NALF1: variants seen among roughly 807,000 people sequenced by gnomAD.
NALF1 encodes family with sequence similarity 155 member A.
In NALF1, 3 loss-of-function variants were observed where a neutral mutation model predicts 48.4. The observed-to-expected ratio is 0.06, with a 90% CI of 0.03 to 0.16. The LOEUF (loss-of-function observed/expected upper bound fraction) is 0.16. Ranked by LOEUF, NALF1 falls within the 10% of genes least tolerant of loss-of-function variation. The pLI is 1.00. For missense variants in NALF1, 526 were observed against 571.5 expected (o/e 0.92, Z 0.81); for synonymous variants, 262 against 245.7 (o/e 1.07, Z -0.62).
chr13:107,859,013 C>T (rs1380100113), intron 1 of NALF1, among the ~76,000 whole-genome samples: 3 of 152,072 alleles, frequency 2.0e-5, no homozygotes, highest in African/African-American at 7.2e-5. Context: ...AGAAAGAGAT[C>T]AATCTTTTTT....
chr13:107,302,063 T>G (rs1023503374), intron 1 of NALF1, among the ~76,000 whole-genome samples: 1 of 152,210 alleles, frequency 6.6e-6, no homozygotes, highest in Admixed American at 6.5e-5. Context: ...ATTAATCCAT[T>G]CATGAACTAA....
At chr13:107,401,692 GAA>G (rs5806653) in intron 1 of NALF1, among the ~76,000 whole-genome samples, 16,288 of 147,376 alleles carry the variant, frequency 0.11, 1,050 homozygotes, top group African/African-American at 0.18. Context: ...TTGTTACTTT[GAA>G]AAAAAAAAAA....
rs375656338 is a variant in NALF1 at position 107,247,152 on chromosome 13, A to G, written c.916-36397T>C. Among the ~76,000 whole-genome samples, 7 of 152,348 alleles carry G rather than the reference A, an allele frequency of 4.6e-5. No homozygotes were observed. In the East Asian group the frequency reaches 1.2e-3, roughly 25 times the overall value. On this transcript the variant is annotated intron_variant, in intron 1 of 2. Coordinates refer to ENST00000375915, the MANE Select transcript of NALF1 (RefSeq NM_001080396.3). ...GATTAACATAAAGGAGAAAAAATAG[A>G]TGGAAATGCAACAGTGAAAAATAAT...
intron 1 of NALF1, among the ~76,000 whole-genome samples, chr13:107,569,291 A>G (rs1185421612): frequency 6.6e-6 from 1 of 151,754 alleles, no homozygotes; most frequent in Admixed American, 6.6e-5. Context: ...AACACGGTGA[A>G]ACCCCGTCTC....
intron 1 of NALF1, among the ~76,000 whole-genome samples, chr13:107,858,135 C>T (rs1372682947): frequency 6.6e-6 from 1 of 152,192 alleles, no homozygotes; most frequent in Admixed American, 6.5e-5. Flanking sequence ...CATGATAAAC[C>T]TGGCCATCCA....
intron 1 of NALF1, among the ~76,000 whole-genome samples, chr13:107,587,543 TA>T (rs1162765849): frequency 6.6e-6 from 1 of 151,964 alleles, no homozygotes; most frequent in Non-Finnish European, 1.5e-5. Flanking sequence ...AGAGGGAGAA[TA>T]AAAGGAAAAG....
At chr13:107,641,772 G>C (rs747211146) in intron 1 of NALF1, among the ~76,000 whole-genome samples, 4 of 152,014 alleles carry the variant, frequency 2.6e-5, no homozygotes, top group Non-Finnish European at 4.4e-5. Flanking sequence ...CGTGGCTGGG[G>C]GCCAACTCAG....
chr13:107,851,385 C>T (rs1442750623), intron 1 of NALF1, among the ~76,000 whole-genome samples: 6 of 151,586 alleles, frequency 4.0e-5, no homozygotes, highest in Non-Finnish European at 8.8e-5. Flanking sequence ...GGAGACACAT[C>T]CCCACTGCAA....
chr13:107,758,140 G>T (rs1030843620), intron 1 of NALF1, among the ~76,000 whole-genome samples: 2 of 152,126 alleles, frequency 1.3e-5, no homozygotes, highest in African/African-American at 4.8e-5. Flanking sequence ...CAAGAAAAAT[G>T]TCCAATGGAG....
intron 1 of NALF1, among the ~76,000 whole-genome samples, chr13:107,550,063 T>G: frequency 6.6e-6 from 1 of 152,152 alleles, no homozygotes; most frequent in East Asian, 1.9e-4. Flanking sequence ...CATAATCGCT[T>G]AAGTAAAATG....
chr13:107,731,622 T>C (rs778080061), intron 1 of NALF1, among the ~76,000 whole-genome samples: 1 of 152,178 alleles, frequency 6.6e-6, no homozygotes, highest in Non-Finnish European at 1.5e-5. Context: ...TCTCATCACT[T>C]ATCTCCCACT....
chr13:107,661,957 A>C (rs986521789), intron 1 of NALF1, among the ~76,000 whole-genome samples: 2 of 152,186 alleles, frequency 1.3e-5, no homozygotes, highest in Non-Finnish European at 1.5e-5. Flanking sequence ...TATGGCTAAA[A>C]TCTTTTAAAA....
rs9587367 is a variant in NALF1 at position 107,389,392 on chromosome 13, G to A, written c.916-178637C>T. ...TGGACCCTAATCCATTATAGTTGGT[G>A]TCCTTATGAAAAAGAAGAAATGTGG... On this transcript the variant is annotated intron_variant, in intron 1 of 2. Coordinates refer to ENST00000375915, the MANE Select transcript of NALF1 (RefSeq NM_001080396.3). 7.6e-3 allele frequency among the ~76,000 whole-genome samples: 1,164 copies of A among 152,246 alleles called. 16 individuals carry two copies. Among genetic ancestry groups the A allele is most frequent in the African/African-American group, 0.027 (1,105 of 41,536 alleles).
At chr13:107,343,488 C>G (rs1433533897) in intron 1 of NALF1, among the ~76,000 whole-genome samples, 2 of 152,158 alleles carry the variant, frequency 1.3e-5, no homozygotes. Context: ...CACAAATTCT[C>G]TCTCTTTTCC....
At chr13:107,416,081 A>G (rs1884081085) in intron 1 of NALF1, among the ~76,000 whole-genome samples, 1 of 150,634 alleles carries the variant, frequency 6.6e-6, no homozygotes, top group South Asian at 2.1e-4. Context: ...ATCTCTGCTC[A>G]CTGCAAGCTC....
intron 1 of NALF1, among the ~76,000 whole-genome samples, chr13:107,475,628 C>T (rs1156295585): frequency 2.0e-5 from 3 of 151,966 alleles, no homozygotes; most frequent in African/African-American, 4.8e-5. Context: ...CATTTCAAAT[C>T]AATGATTTAA....
chr13:107,474,907 AG>A (rs1425101808), intron 1 of NALF1, among the ~76,000 whole-genome samples: 1 of 152,146 alleles, frequency 6.6e-6, no homozygotes, highest in Admixed American at 6.5e-5. Context: ...TCCTTCTTTC[AG>A]GGTCCCTAAT....
chr13:107,220,672 G>A (rs1879973229), intron 1 of NALF1, among the ~76,000 whole-genome samples: 2 of 152,154 alleles, frequency 1.3e-5, no homozygotes, highest in Non-Finnish European at 2.9e-5. Flanking sequence ...ATCAGAAATA[G>A]TGCTGTAAAA....
chr13:107,261,490 C>T (rs544351270), intron 1 of NALF1, among the ~76,000 whole-genome samples: 57 of 152,282 alleles, frequency 3.7e-4, no homozygotes, highest in African/African-American at 1.4e-3. Context: ...AAGCTGCCCC[C>T]GTCCTCAAAT....
Sources: allele counts gnomAD v4.1 joint callset (sites outside exome capture counted in the v4.1 genomes callset), GRCh38; gene constraint gnomAD v4.1.1; transcripts MANE v1.5; gene names NCBI Gene and HGNC (gene_info 2026-07-23, HGNC 2026-07-21).